Variants in KLHL2 observed in about 807,000 individuals in gnomAD.
KLHL2 encodes kelch-like protein 2.
KLHL2 carries 15 observed loss-of-function variants against 75.8 expected under a neutral mutation model. The observed-to-expected ratio is 0.20, with a 90% CI of 0.13 to 0.30. KLHL2 has a LOEUF of 0.30. Among genes scored for constraint, KLHL2 ranks in the 10% least tolerant of loss-of-function variants. The probability of loss-of-function intolerance (pLI) is 1.00; values close to 1 mark genes in which losing one functional copy is unlikely to be tolerated. For missense variants in KLHL2, 381 were observed against 741.0 expected, an observed-to-expected ratio of 0.51 and a Z score of 5.64; for synonymous variants, 214 against 251.9, an observed-to-expected ratio of 0.85 and a Z score of 1.42.
rs760335317 is a variant in KLHL2, at chr4:165,220,048, C to T, written c.141C>T (p.Asn47=). Residue 47 remains asparagine, a synonymous_variant, in exon 2 of 15, where the codon AAC becomes AAT. Transcript: ENST00000226725. Reference sequence around the variant, plus strand: ...TGAAGAAAGCTTTCAAAGTCATGAACGAATTAAGAAGGTATCATTATACTA... The same window carrying T: ...TGAAGAAAGCTTTCAAAGTCATGAATGAATTAAGAAGGTATCATTATACTA... The part of the protein sequence containing the change: ...WHMKKAFKVM[N]ELRSQNLLCD... 22 of 1,606,488 alleles carry T rather than the reference C, an allele frequency of 1.4e-5. No homozygotes were observed. The highest frequency in any genetic ancestry group is 7.6e-6 in the Non-Finnish European group (9 of 1,177,998).
rs1737693422 is a variant in KLHL2 at position 165,218,262 on chromosome 4, C to A, written c.27-1672C>A. ...TTTTGCAGTGTCTCCTCATTTCACTCAAAGTGAAAGGCCTTAGGATATCCT... is the reference window on the plus strand; with the variant it reads ...TTTTGCAGTGTCTCCTCATTTCACTAAAAGTGAAAGGCCTTAGGATATCCT... On this transcript the variant is annotated intron_variant, in intron 1 of 14. Transcript: ENST00000226725. Among the ~76,000 whole-genome samples, 3 of 152,104 alleles carry A rather than the reference C, an allele frequency of 2.0e-5. No individual in the cohort carries two copies. The South Asian group carries it at 6.2e-4, about 32-fold the overall frequency.
intron 1 of KLHL2, among the ~76,000 whole-genome samples, chr4:165,216,948 C>T (rs1737587598): frequency 6.6e-6 from 1 of 152,090 alleles, no homozygotes; most frequent in Non-Finnish European, 1.5e-5. Context: ...AAGAGAGCAC[C>T]AATGTGGGCA....
intron 4 of KLHL2, among the ~76,000 whole-genome samples, chr4:165,249,532 AG>A (rs113186082): frequency 0.22 from 33,089 of 152,142 alleles, 4,099 homozygotes; most frequent in Non-Finnish European, 0.29. Context: ...ATACCTTTCT[AG>A]TGATTTGAGT....
Position 165,253,215 on chromosome 4 carries a change from AG to A in KLHL2, c.382-9981del, listed in dbSNP as rs1472921571. ...ATGCCTGACTACTTTTTGTATTTTT[AG>A]TAGAGACAGGTTTCACCATGTTGGC... On this transcript the variant is annotated intron_variant, in intron 4 of 14. Coordinates refer to ENST00000226725, the MANE Select transcript of KLHL2 (RefSeq NM_007246.4). Among the ~76,000 whole-genome samples, 6 of 152,082 alleles carry A rather than the reference AG, an allele frequency of 3.9e-5. No individual in the cohort carries two copies. The East Asian group carries it at 9.7e-4, about 25-fold the overall frequency.
At chr4:165,293,811 C>A (rs529001150) in intron 5 of KLHL2, among the ~76,000 whole-genome samples, 1 of 151,898 alleles carries the variant, frequency 6.6e-6, no homozygotes, top group Admixed American at 6.6e-5. Context: ...CCACTGCGCC[C>A]GGCCCAATTC....
At chr4:165,296,074 C>T (rs927203708) in intron 6 of KLHL2, among the ~76,000 whole-genome samples, 3 of 152,200 alleles carry the variant, frequency 2.0e-5, no homozygotes, top group Admixed American at 6.5e-5. Flanking sequence ...TCATGCAGAA[C>T]AATAGGGACA....
chr4:165,293,370 G>A (rs1181849190), intron 5 of KLHL2, among the ~76,000 whole-genome samples: 1 of 152,084 alleles, frequency 6.6e-6, no homozygotes, highest in Non-Finnish European at 1.5e-5. Context: ...AATTTTTTAA[G>A]TATTTAAGAA....
intron 4 of KLHL2, among the ~76,000 whole-genome samples, chr4:165,256,862 C>A (rs1449628613): frequency 6.6e-6 from 1 of 151,878 alleles, no homozygotes; most frequent in East Asian, 1.9e-4. Context: ...CATGTGTTTA[C>A]CCAAAAAAGG....
rs56298732 is a variant in KLHL2, at chr4:165,312,427, A to AT, written c.1340-802dup. Reference sequence around the variant, plus strand: ...GAAGGCTCTAAGTATTATTATTATTATTTTTTTTTAATTGACTTGGGCAAA... The same window carrying AT: ...GAAGGCTCTAAGTATTATTATTATTATTTTTTTTTTAATTGACTTGGGCAAA... On this transcript the variant is annotated intron_variant, in intron 11 of 14. Coordinates refer to ENST00000226725, the MANE Select transcript of KLHL2 (RefSeq NM_007246.4). Among the ~76,000 whole-genome samples the AT allele has an allele frequency of 6.9e-3, 1,013 of 147,110 alleles. 11 individuals carry two copies. The highest frequency in any genetic ancestry group is 0.023 in the African/African-American group (894 of 38,060).
chr4:165,263,120 G>T, intron 4 of KLHL2, 77 bp from the exon 5 acceptor site: 7 of 1,334,042 alleles, frequency 5.2e-6, no homozygotes, highest in Non-Finnish European at 7.4e-6. Context: ...TGAACATCTT[G>T]TGTCCTATGT....
At chr4:165,317,068 AATAG>A in intron 13 of KLHL2, among the ~76,000 whole-genome samples, 1 of 152,252 alleles carries the variant, frequency 6.6e-6, no homozygotes, top group South Asian at 2.1e-4. Flanking sequence ...GAGTTATTTT[AATAG>A]ATAAATAATA....
chr4:165,304,602 T>C (rs1745588307), intron 8 of KLHL2, among the ~76,000 whole-genome samples: 1 of 152,204 alleles, frequency 6.6e-6, no homozygotes, highest in Non-Finnish European at 1.5e-5. Flanking sequence ...TGCCAGAGAG[T>C]GTCTGTGCAT....
chr4:165,289,512 T>TTTC lies in KLHL2; in HGVS notation c.545-4845_545-4844insCTT, dbSNP rs1389122549. ...CTTTAGGCTAATTTTTGGTTTGGTT[T>TTTC]TTTTTTTTTTTTTTTTTTGGTAAGT... On this transcript the variant is annotated intron_variant, in intron 5 of 14. Coordinates refer to ENST00000226725, the MANE Select transcript of KLHL2 (RefSeq NM_007246.4). 9.9e-3 allele frequency among the ~76,000 whole-genome samples: 1,452 copies of TTTC among 146,294 alleles called. 21 individuals carry two copies. Among genetic ancestry groups the TTTC allele is most frequent in the African/African-American group, 0.032 (1,283 of 39,592 alleles).
intron 4 of KLHL2, among the ~76,000 whole-genome samples, chr4:165,249,311 A>G (rs947622685): frequency 2.0e-5 from 3 of 152,214 alleles, no homozygotes; most frequent in African/African-American, 7.2e-5. Flanking sequence ...ACATAAACCA[A>G]AATGATCTTA....
intron 1 of KLHL2, among the ~76,000 whole-genome samples, chr4:165,212,305 A>C (rs1206260781): frequency 6.6e-6 from 1 of 152,188 alleles, no homozygotes; most frequent in East Asian, 1.9e-4. Context: ...AATAGTTCAG[A>C]TAGGGTCAGG....
chr4:165,284,234 A>C (rs1177838096), intron 5 of KLHL2, among the ~76,000 whole-genome samples: 4 of 152,220 alleles, frequency 2.6e-5, no homozygotes, highest in African/African-American at 9.6e-5. Flanking sequence ...TTGCCTGAGA[A>C]AATGGGATTT....
At position 165,209,596 on chromosome 4, in the gene KLHL2, T is replaced by A. The variant is rs577714702; in HGVS notation, c.26+1694T>A. On this transcript the variant is annotated intron_variant, in intron 1 of 14. Transcript: ENST00000226725. ...ATTGATAAACTGACTCTAGGGTAGATCAGCTAATCATAATTTTGATGACCA... is the reference window on the plus strand; with the variant it reads ...ATTGATAAACTGACTCTAGGGTAGAACAGCTAATCATAATTTTGATGACCA... 2.5e-3 allele frequency: 384 copies of A among 154,040 alleles called. 1 individual carries two copies. Among genetic ancestry groups the A allele is most frequent in the Non-Finnish European group, 3.7e-3 (258 of 69,182 alleles). The allele number at this position is 154,040 out of a possible 1,614,324, so 9.5% of individuals were successfully genotyped here.
chr4:165,210,291 C>G (rs1737118685), intron 1 of KLHL2: 1 of 1,080,144 alleles, frequency 9.3e-7, no homozygotes, highest in Non-Finnish European at 1.4e-6. Flanking sequence ...TCCAAATTTA[C>G]ATTGTTCTCA....
intron 9 of KLHL2, among the ~76,000 whole-genome samples, chr4:165,306,711 G>C (rs955654774): frequency 9.2e-5 from 14 of 152,196 alleles, no homozygotes; most frequent in African/African-American, 3.4e-4. Context: ...CTTTCTCTCT[G>C]AATTGTCAGT....
Sources: gnomAD v4.1 joint callset for allele counts (sites outside exome capture counted in the v4.1 genomes callset) on GRCh38, gnomAD v4.1.1 for gene constraint, MANE v1.5 for transcripts, NCBI Gene and HGNC (gene_info 2026-07-23, HGNC 2026-07-21) for gene names.